The following MYO7A variants were observed in gnomAD, a reference collection of about 807,000 sequenced individuals.
MYO7A encodes the protein unconventional myosin-VIIa.
A neutral mutation model predicts 263.8 loss-of-function variants in MYO7A; 210 were observed. That is an observed-to-expected ratio of 0.80 (90% CI 0.71 to 0.89). MYO7A has a LOEUF of 0.89. MYO7A is among the 40% of genes least tolerant of loss of function. The pLI is 0.00. For synonymous variants in MYO7A, 1,239 were observed against 1,197.3 expected (o/e 1.03, Z -0.72); for missense variants, 2,820 against 2,968.3 (o/e 0.95, Z 1.16).
intron 31 of MYO7A, among the ~76,000 whole-genome samples, chr11:77,193,079 G>GCGA (rs1956298719): frequency 1.7e-5 from 1 of 57,358 alleles, no homozygotes; most frequent in Non-Finnish European, 3.9e-5. Context: ...GGTGGAGGTA[G>GCGA]TTGTTTGTGA....
chr11:77,168,599 A>G (rs1298724009), intron 15 of MYO7A, among the ~76,000 whole-genome samples: 1 of 152,286 alleles, frequency 6.6e-6, no homozygotes, highest in African/African-American at 2.4e-5. Flanking sequence ...GTTCAAGACC[A>G]GCCTGGGCAA....
At chr11:77,177,478 C>G in intron 18 of MYO7A, 71 bp from the exon 19 acceptor site, 1 of 1,195,612 alleles carries the variant, frequency 8.4e-7, no homozygotes, top group Non-Finnish European at 1.2e-6. Flanking sequence ...GAAGAGCAGC[C>G]CCCACTGGGA....
intron 16 of MYO7A, 37 bp from the exon 17 acceptor site, chr11:77,174,719 G>T (rs1591349181): frequency 1.3e-6 from 2 of 1,547,592 alleles, no homozygotes; most frequent in East Asian, 4.8e-5. Flanking sequence ...CCCAGCAGGA[G>T]CCTTGGCCCT....
rs201510888 is a variant in MYO7A at position 77,180,869 on chromosome 11, G to C, written c.2694+388G>C. ...CCGAATGACACAGTGCTTTAAGTGT[G>C]AAATACTAGATTTTGAAGATTTGGT... On this transcript the variant is annotated intron_variant, in intron 22 of 48. Transcript: ENST00000409709. 5.9e-5 allele frequency among the ~76,000 whole-genome samples: 9 copies of C among 152,308 alleles called. No individual in the cohort carries two copies. In the East Asian group the frequency reaches 1.5e-3, roughly 26 times the overall value.
At chr11:77,140,399 A>T (rs1407138553) in intron 2 of MYO7A, among the ~76,000 whole-genome samples, 1 of 152,176 alleles carries the variant, frequency 6.6e-6, no homozygotes, top group Non-Finnish European at 1.5e-5. Flanking sequence ...GGTTTGTCAG[A>T]CCTGGGCTTC....
Position 77,158,376 on chromosome 11 carries a change from G to A in MYO7A, c.949G>A (p.Glu317Lys). Residue 317 changes from glutamate (E) to lysine (K), a missense_variant, in exon 9 of 49, where the codon GAG becomes AAG. Coordinates refer to ENST00000409709, the MANE Select transcript of MYO7A (RefSeq NM_000260.4). ...CATGTTCACTGACACCGAGAACTGGGAGATCTCGAAGCTCCTGGCTGCCAT... is the reference window on the plus strand; with the variant it reads ...CATGTTCACTGACACCGAGAACTGGAAGATCTCGAAGCTCCTGGCTGCCAT... ...VLMFTDTENWEISKLLAAILH... is the reference protein window; with the variant it reads ...VLMFTDTENWKISKLLAAILH... 1 of 1,613,222 alleles carries A rather than the reference G, an allele frequency of 6.2e-7. No homozygotes were observed. The highest frequency in any genetic ancestry group is 8.5e-7 in the Non-Finnish European group (1 of 1,179,796).
chr11:77,144,181 A>G (rs542672837), intron 3 of MYO7A, among the ~76,000 whole-genome samples: 1 of 152,272 alleles, frequency 6.6e-6, no homozygotes, highest in African/African-American at 2.4e-5. Flanking sequence ...TGCTAATCAC[A>G]TTTTTGGCCC....
chr11:77,192,934 T>TGTGATGGTGGAGGTAGTGATGGTGTTG (rs1956241986), intron 31 of MYO7A, among the ~76,000 whole-genome samples: 1 of 3,476 alleles, frequency 2.9e-4, no homozygotes, highest in South Asian at 0.01. Context: ...TGGTGTTGTT[T>TGTGATGGTGGAGGTAGTGATGGTGTTG]GTGATGGTGG....
At position 77,141,363 on chromosome 11, in the gene MYO7A, A is replaced by T. The variant is rs527398428; in HGVS notation, c.19-1346A>T. ...CACCCAAGGCCGGGTAGGGCCTGAA[A>T]CCCAGTCTTCTGACTCCTAGCCCAG... On this transcript the variant is annotated intron_variant, in intron 2 of 48. Transcript: ENST00000409709. Among the ~76,000 whole-genome samples, 11 of 152,182 alleles carry T rather than the reference A, an allele frequency of 7.2e-5. No individual in the cohort carries two copies. The East Asian group carries it at 2.1e-3, about 29-fold the overall frequency.
rs559404184 is a variant in MYO7A, at chr11:77,135,110, TCAGTGG to T, written c.18+4461_18+4466del. Reference sequence around the variant, plus strand: ...CATTTAACCACTTTAAGTACATAGTTCAGTGGCATTAAATACATTCACAATGTTGTG... The same window carrying T: ...CATTTAACCACTTTAAGTACATAGTTCATTAAATACATTCACAATGTTGTG... On this transcript the variant is annotated intron_variant, in intron 2 of 48. Transcript: ENST00000409709. Among the ~76,000 whole-genome samples the T allele has an allele frequency of 5.7e-4, 87 of 152,332 alleles. No homozygotes were observed. In the South Asian group the frequency reaches 6.4e-3, roughly 11 times the overall value.
At position 77,190,881 on chromosome 11, in the gene MYO7A, C is replaced by CTGGAAG. The variant is rs1956013946; in HGVS notation, c.3924+11_3924+12insTGGAAG. The CTGGAAG allele has an allele frequency of 6.5e-7, 1 of 1,544,548 alleles. No individual in the cohort carries two copies. ...GCCCTGTTTGACAAGGTATGGCCGC[C>CTGGAAG]CGGAAGCACCTCCTCCCGGAAGCAC... is the stretch of plus-strand genomic sequence containing the variant. On this transcript the variant is annotated intron_variant, in intron 30 of 48. Coordinates refer to ENST00000409709, the MANE Select transcript of MYO7A (RefSeq NM_000260.4).
intron 40 of MYO7A, 56 bp from the exon 41 acceptor site, chr11:77,206,041 C>A: frequency 1.4e-6 from 2 of 1,380,492 alleles, no homozygotes; most frequent in Non-Finnish European, 2.0e-6. Flanking sequence ...TGTCCCGGTC[C>A]CCTGGTCTCC....
intron 27 of MYO7A, among the ~76,000 whole-genome samples, chr11:77,187,546 C>A (rs1219394454): frequency 6.6e-6 from 1 of 152,186 alleles, no homozygotes; most frequent in African/African-American, 2.4e-5. Flanking sequence ...CCACCCTAGG[C>A]CCACGGTTAA....
Position 77,182,694 on chromosome 11 carries a change from A to T in MYO7A, c.3285+94A>T, listed in dbSNP as rs1475029807. 7 of 1,249,092 alleles carry T rather than the reference A, an allele frequency of 5.6e-6. No homozygotes were observed. In the Admixed American group the frequency reaches 1.5e-4, roughly 27 times the overall value. The allele number at this position is 1,249,092 out of a possible 1,614,324, so 77.4% of individuals were successfully genotyped here. On this transcript the variant is annotated intron_variant, in intron 25 of 48. Transcript: ENST00000409709. Reference sequence around the variant, plus strand: ...CCTTGGGCTCCTCTGCAGAAAAAGGATCCTATAATTCATCTCTGCCTCACC... The same window carrying T: ...CCTTGGGCTCCTCTGCAGAAAAAGGTTCCTATAATTCATCTCTGCCTCACC...
At chr11:77,154,911 C>G (rs2135212342) in intron 4 of MYO7A, among the ~76,000 whole-genome samples, 1 of 152,216 alleles carries the variant, frequency 6.6e-6, no homozygotes, top group South Asian at 2.1e-4. Context: ...CCCTGCGTGG[C>G]CACAGTAGGC....
At chr11:77,158,787 A>T (rs1952725467) in intron 9 of MYO7A, among the ~76,000 whole-genome samples, 1 of 152,178 alleles carries the variant, frequency 6.6e-6, no homozygotes, top group Admixed American at 6.5e-5. Context: ...GAGTGACTGG[A>T]TAGCCATCTT....
chr11:77,183,202 T>G, intron 26 of MYO7A, 45 bp downstream of exon 26: 1 of 1,491,876 alleles, frequency 6.7e-7, no homozygotes, highest in Non-Finnish European at 9.1e-7. Flanking sequence ...GGTGGCTGCC[T>G]TAGGTGGCCT....
At chr11:77,206,691 C>T (rs1957464589) in intron 41 of MYO7A, among the ~76,000 whole-genome samples, 2 of 152,244 alleles carry the variant, frequency 1.3e-5, no homozygotes, top group East Asian at 1.9e-4. Flanking sequence ...CCTGTAGTCA[C>T]GCTGCCCCTC....
At chr11:77,202,764 G>A (rs1268196817) in intron 37 of MYO7A, among the ~76,000 whole-genome samples, 1 of 151,748 alleles carries the variant, frequency 6.6e-6, no homozygotes, top group African/African-American at 2.4e-5. Context: ...GCAGTGAGAA[G>A]CTTCCTGATG....
Sources: gnomAD v4.1 joint callset for allele counts (sites outside exome capture counted in the v4.1 genomes callset) on GRCh38, gnomAD v4.1.1 for gene constraint, MANE v1.5 for transcripts, NCBI Gene and HGNC (gene_info 2026-07-23, HGNC 2026-07-21) for gene names.